SLC22A11: variants seen among roughly 807,000 people sequenced by gnomAD.
SLC22A11 encodes the protein organic anion transporter 4.
SLC22A11 carries 42 observed loss-of-function variants against 49.4 expected under a neutral mutation model. The ratio of observed to expected loss-of-function variants is 0.85; its 90% CI spans 0.66 to 1.10. The LOEUF is 1.10. Ranked by LOEUF, SLC22A11 falls within the 50% of genes least tolerant of loss-of-function variation. SLC22A11 has a pLI of 0.00. For synonymous variants in SLC22A11, 304 were observed against 315.8 expected, an observed-to-expected ratio of 0.96 and a Z score of 0.40; for missense variants, 685 against 731.6, an observed-to-expected ratio of 0.94 and a Z score of 0.74.
intron 9 of SLC22A11, among the ~76,000 whole-genome samples, chr11:64,570,200 C>T (rs1183566298): frequency 6.6e-6 from 1 of 152,236 alleles, no homozygotes; most frequent in Non-Finnish European, 1.5e-5. Context: ...CTCACCAAAA[C>T]TGACAAAGGG....
Position 64,559,246 on chromosome 11 carries a change from C to T in SLC22A11, c.497+8C>T, listed in dbSNP as rs1243746908. The T allele has an allele frequency of 6.4e-7, 1 of 1,561,530 alleles. No individual in the cohort carries two copies. Among genetic ancestry groups the T allele is most frequent in the Non-Finnish European group, 8.7e-7 (1 of 1,149,148 alleles). On this transcript the variant is annotated splice_region_variant and intron_variant, in intron 2 of 9. Coordinates refer to ENST00000301891, the MANE Select transcript of SLC22A11 (RefSeq NM_018484.4). ...GGGCCTCCTCTCCTACCGGTGAGTG[C>T]CTCCGCTCCTCCCAGCCCCCAGCTC...
intron 1 of SLC22A11, among the ~76,000 whole-genome samples, chr11:64,556,794 T>A (rs1170040342): frequency 6.6e-6 from 1 of 151,778 alleles, no homozygotes; most frequent in Admixed American, 6.6e-5. Context: ...ACCCTAGAGA[T>A]GGTGGAGGAT....
chr11:64,566,468 C>T (rs1398544763), intron 6 of SLC22A11: 11 of 150,278 alleles, frequency 7.3e-5, no homozygotes, highest in Non-Finnish European at 1.3e-4. Flanking sequence ...TGCAAACACC[C>T]GGGACCAGTT....
At chr11:64,559,294 A>G in intron 2 of SLC22A11, 56 bp downstream of exon 2, 1 of 1,327,826 alleles carries the variant, frequency 7.5e-7, no homozygotes. Flanking sequence ...GTTGAAGACT[A>G]TGGGGCAGAA....
In SLC22A11 at chr11:64,562,162, AG is replaced by A. The variant is rs2038556815; in HGVS notation, c.652+5del. ...TTTCTGAGTTCACTGACACTGAGTG[AG>A]TCCCCGGCTCAGCGCGCTCCTGCCA... is the stretch of plus-strand genomic sequence containing the variant. On this transcript the variant is annotated splice_donor_5th_base_variant and intron_variant, in intron 3 of 9. Transcript: ENST00000301891. The surrounding 1 kb of genome is among the most constrained non-coding windows in gnomAD (Gnocchi z 4.4). 2 of 1,612,844 alleles carry A rather than the reference AG, an allele frequency of 1.2e-6. No homozygotes were observed. Among genetic ancestry groups the A allele is most frequent in the African/African-American group, 1.3e-5 (1 of 74,916 alleles).
chr11:64,560,372 A>G (rs7943154), intron 2 of SLC22A11, among the ~76,000 whole-genome samples: 63,027 of 151,772 alleles, frequency 0.42, 14,664 homozygotes, highest in Non-Finnish European at 0.54. Flanking sequence ...AAGCTGGCCC[A>G]AAGTCCTCCG....
intron 8 of SLC22A11, among the ~76,000 whole-genome samples, 155 bp downstream of exon 8, chr11:64,568,933 A>G (rs968066794): frequency 3.9e-5 from 6 of 152,188 alleles, no homozygotes; most frequent in African/African-American, 9.6e-5. Flanking sequence ...CTCGACCCAG[A>G]CAGAAGCAGT....
intron 9 of SLC22A11, among the ~76,000 whole-genome samples, chr11:64,570,350 G>A (rs1052191835): frequency 2.0e-5 from 3 of 152,246 alleles, no homozygotes; most frequent in African/African-American, 7.2e-5. Context: ...AGGGAGAAAT[G>A]AGGGAGCACT....
chr11:64,557,307 C>T (rs552565003), intron 1 of SLC22A11, among the ~76,000 whole-genome samples: 8 of 152,338 alleles, frequency 5.3e-5, no homozygotes, highest in Non-Finnish European at 8.8e-5. Flanking sequence ...GATTCAATCC[C>T]GGCAGTCAGG....
chr11:64,571,488 A>G lies in SLC22A11; in HGVS notation c.*446A>G, dbSNP rs971023914. On this transcript the variant is annotated 3_prime_UTR_variant, in exon 10 of 10. Coordinates refer to ENST00000301891, the MANE Select transcript of SLC22A11 (RefSeq NM_018484.4). ...GGTATCAGGGTGAACTGATCTTAGC[A>G]CCGGCCAAATAAATGGAACCTGCTG... 6.2e-6 allele frequency: 1 copy of G among 162,072 alleles called. No homozygotes were observed. The highest frequency in any genetic ancestry group is 1.3e-5 in the Non-Finnish European group (1 of 74,366). 10.0% of individuals were successfully genotyped at this position (162,072 alleles called of 1,614,324 possible).
At chr11:64,557,679 TGGAGCACAGTG>T (rs2038482499) in intron 1 of SLC22A11, among the ~76,000 whole-genome samples, 2 of 144,684 alleles carry the variant, frequency 1.4e-5, no homozygotes, top group Non-Finnish European at 3.0e-5. Flanking sequence ...TCACCCAGGC[TGGAGCACAGTG>T]GCACAAACAT....
At chr11:64,558,325 A>G (rs2038491977) in intron 1 of SLC22A11, among the ~76,000 whole-genome samples, 1 of 152,176 alleles carries the variant, frequency 6.6e-6, no homozygotes, top group Non-Finnish European at 1.5e-5. Flanking sequence ...TGCATTTTCA[A>G]GAAGTCACTT....
intron 1 of SLC22A11, among the ~76,000 whole-genome samples, chr11:64,557,103 A>T (rs2038473026): frequency 6.6e-6 from 1 of 152,178 alleles, no homozygotes; most frequent in African/African-American, 2.4e-5. Context: ...AACCCCTTCT[A>T]GCAGCAAAGC....
In SLC22A11 at chr11:64,565,583, T is replaced by C. The variant is rs898907151; in HGVS notation, c.1058+246T>C. On this transcript the variant is annotated intron_variant, in intron 6 of 9. Transcript: ENST00000301891. The surrounding 1 kb of genome is among the most constrained non-coding windows in gnomAD (Gnocchi z 4.1). ...AGGAAGCCAGAGGAAAAGGCAGCTC[T>C]AGGCTGGGGGTCCCAGGGTCCCAGG... The C allele has an allele frequency of 2.4e-5, 14 of 580,738 alleles. No homozygotes were observed. In the Admixed American group the frequency reaches 3.0e-4, roughly 13 times the overall value. The allele number at this position is 580,738 out of a possible 1,614,324, so 36.0% of individuals were successfully genotyped here. A position where few individuals can be genotyped will look rare whatever the true frequency, so the allele number is the denominator to read the frequency against.
In SLC22A11 at chr11:64,565,849, G is replaced by A. The variant is rs186673704; in HGVS notation, c.1058+512G>A. The A allele has an allele frequency of 8.0e-5, 22 of 274,386 alleles. No individual in the cohort carries two copies. The highest frequency in any genetic ancestry group is 4.1e-4 in the African/African-American group (19 of 46,074). 17.0% of individuals were successfully genotyped at this position (274,386 alleles called of 1,614,324 possible). On this transcript the variant is annotated intron_variant, in intron 6 of 9. Coordinates refer to ENST00000301891, the MANE Select transcript of SLC22A11 (RefSeq NM_018484.4). This position sits in a 1 kb window ranked among gnomAD's most constrained non-coding sequence, Gnocchi z 4.1. ...AATAATAGAGCCTGCATTGGAACCG[G>A]GCTGAGCTAACACTTGGCTTACCGG... is the stretch of plus-strand genomic sequence containing the variant.
chr11:64,557,683 G>C (rs902105148), intron 1 of SLC22A11, among the ~76,000 whole-genome samples: 1 of 143,712 alleles, frequency 7.0e-6, no homozygotes, highest in Non-Finnish European at 1.5e-5. Context: ...CCAGGCTGGA[G>C]CACAGTGGCA....
Position 64,565,883 on chromosome 11 carries a change from C to A in SLC22A11, c.1058+546C>A. 1 of 233,038 alleles carries A rather than the reference C, an allele frequency of 4.3e-6. No homozygotes were observed. Among genetic ancestry groups the A allele is most frequent in the Non-Finnish European group, 8.8e-6 (1 of 114,178 alleles). 14.4% of individuals were successfully genotyped at this position (233,038 alleles called of 1,614,324 possible). On this transcript the variant is annotated intron_variant, in intron 6 of 9. Transcript: ENST00000301891. This position sits in a 1 kb window ranked among gnomAD's most constrained non-coding sequence, Gnocchi z 4.1. ...AACACTTGGCTTACCGGCACTGTCACTGCCAGGGCCCGCGCGACCAGACCC... is the reference window on the plus strand; with the variant it reads ...AACACTTGGCTTACCGGCACTGTCAATGCCAGGGCCCGCGCGACCAGACCC...
rs761861029 is a variant in SLC22A11, at chr11:64,564,324, G to T, written c.838G>T (p.Ala280Ser). 3 of 1,613,898 alleles carry T rather than the reference G, an allele frequency of 1.9e-6. No individual in the cohort carries two copies. The highest frequency in any genetic ancestry group is 3.3e-5 in the Admixed American group (2 of 60,006). ...SLISWWLPES[A>S]RWLIIKGKPD... ...TCCTTACAGGTGGCTGCCAGAATCC[G>T]CCCGGTGGCTGATTATTAAGGGCAA... The change falls in exon 5 of 10, where the codon GCC (alanine) becomes TCC (serine). Residue 280 changes from alanine (A) to serine (S), a missense_variant. By Grantham distance (99) the Ala-to-Ser change is moderately conservative (BLOSUM62 1). Coordinates refer to ENST00000301891, the MANE Select transcript of SLC22A11 (RefSeq NM_018484.4). The surrounding 1 kb of genome is among the most constrained non-coding windows in gnomAD (Gnocchi z 4.2).
rs932824741 is a variant in SLC22A11 at position 64,564,961 on chromosome 11, G to A, written c.943-261G>A. 1.3e-5 allele frequency among the ~76,000 whole-genome samples: 2 copies of A among 152,198 alleles called. No individual in the cohort carries two copies. Among genetic ancestry groups the A allele is most frequent in the South Asian group, 2.1e-4 (1 of 4,830 alleles). ...CAGAGATTAGAGTGAAGATGGGGTC[G>A]GAGGATAAGGGAAGGCTTCCAGAAG... On this transcript the variant is annotated intron_variant, in intron 5 of 9. Coordinates refer to ENST00000301891, the MANE Select transcript of SLC22A11 (RefSeq NM_018484.4). The surrounding 1 kb of genome is among the most constrained non-coding windows in gnomAD (Gnocchi z 4.2).
Sources: allele counts gnomAD v4.1 joint callset (sites outside exome capture counted in the v4.1 genomes callset), GRCh38; gene constraint gnomAD v4.1.1; non-coding constraint Gnocchi (gnomAD v3.1); transcripts MANE v1.5; gene names NCBI Gene and HGNC (gene_info 2026-07-23, HGNC 2026-07-21).